SYTL2: variants seen among roughly 807,000 people sequenced by gnomAD.
SYTL2 encodes the protein synaptotagmin like 2.
In SYTL2, 165 loss-of-function variants were observed where a neutral mutation model predicts 198.7. The ratio of observed to expected loss-of-function variants is 0.83; its 90% CI spans 0.73 to 0.94. SYTL2 has a LOEUF of 0.94. Among genes scored for constraint, SYTL2 ranks in the 40% least tolerant of loss-of-function variants. The probability of loss-of-function intolerance (pLI) is 0.00; values close to 1 mark genes in which losing one functional copy is unlikely to be tolerated. For missense variants in SYTL2, 2,835 were observed against 2,582.8 expected (o/e 1.10, Z -2.12); for synonymous variants, 966 against 917.7 (o/e 1.05, Z -0.95).
chr11:85,707,546 TG>T lies in SYTL2; in HGVS notation c.5916-16del. On this transcript the variant is annotated splice_polypyrimidine_tract_variant and intron_variant, in intron 14 of 19. Coordinates refer to ENST00000359152, the MANE Select transcript of SYTL2 (RefSeq NM_206927.4). ...CCTTTACATATCTGAAAAGGAGAAT[TG>T]AACAGACAAAGTCAAAGAAAATAAA... 6.8e-7 allele frequency: 1 copy of T among 1,475,118 alleles called. No homozygotes were observed. The highest frequency in any genetic ancestry group is 9.3e-7 in the Non-Finnish European group (1 of 1,077,650). 91.4% of individuals were successfully genotyped at this position (1,475,118 alleles called of 1,614,324 possible).
the SYTL2 span, among the ~76,000 whole-genome samples, chr11:85,837,844 T>C: frequency 6.6e-6 from 1 of 152,206 alleles, no homozygotes; most frequent in Non-Finnish European, 1.5e-5. Context: ...TTAACCCTTC[T>C]GTAACTGGTC....
rs2089033128 is a variant in SYTL2, at chr11:85,725,582, G to A, written c.3776C>T (p.Thr1259Ile). Residue 1259 changes from threonine to isoleucine, a missense_variant, in exon 8 of 20, where the codon ACT (threonine) becomes ATT (isoleucine). Physicochemically the swap from Thr to Ile is moderately conservative, Grantham distance 89. Around this residue, in one of 3 missense-constraint regions of SYTL2, gnomAD observed 2,645 missense variants for 2,381.7 expected, o/e 1.11. Coordinates refer to ENST00000359152, the MANE Select transcript of SYTL2 (RefSeq NM_206927.4). ...FGKGIEQSHN[T>I]SADKREILAP... is the part of the protein sequence containing the mutation. ...TAGTATTTCTCTCTTATCAGCTGAA[G>A]TATTGTGACTCTGTTCTATCCCTTT... The A allele has an allele frequency of 6.2e-7, 1 of 1,614,090 alleles. No individual in the cohort carries two copies. The highest frequency in any genetic ancestry group is 8.5e-7 in the Non-Finnish European group (1 of 1,179,984).
chr11:85,777,191 G>A (rs898779767), intron 1 of SYTL2, among the ~76,000 whole-genome samples: 4 of 152,234 alleles, frequency 2.6e-5, no homozygotes, highest in African/African-American at 9.6e-5. Context: ...TATGCTCTGA[G>A]TATTTTTCTT....
At chr11:85,720,006 G>T (rs1373521748) in intron 9 of SYTL2, among the ~76,000 whole-genome samples, 2 of 152,094 alleles carry the variant, frequency 1.3e-5, no homozygotes, top group African/African-American at 2.4e-5. Context: ...CTTGAAAATA[G>T]CAAGAACAAA....
At chr11:85,771,205 G>A (rs7130377) in intron 1 of SYTL2, among the ~76,000 whole-genome samples, 1,933 of 152,250 alleles carry the variant, frequency 0.013, 36 homozygotes, top group African/African-American at 0.044. Context: ...AGCATCTCTC[G>A]AGACTTCCTG....
chr11:85,721,377 A>G (rs290195), intron 8 of SYTL2, among the ~76,000 whole-genome samples: 86,864 of 151,858 alleles, frequency 0.57, 25,537 homozygotes, highest in Middle Eastern at 0.64. Flanking sequence ...GATGTTTAAC[A>G]TCTGTGTATA....
intron 3 of SYTL2, among the ~76,000 whole-genome samples, chr11:85,746,475 C>T (rs2091161443): frequency 6.6e-6 from 1 of 152,206 alleles, no homozygotes; most frequent in Non-Finnish European, 1.5e-5. Context: ...GAGTTCTTTG[C>T]ATGCATTATT....
chr11:85,836,726 A>G, the SYTL2 span, among the ~76,000 whole-genome samples: 2 of 152,154 alleles, frequency 1.3e-5, no homozygotes, highest in African/African-American at 4.8e-5. Context: ...ATAAATATGA[A>G]ATATATTACA....
In SYTL2 at chr11:85,748,283, G is replaced by A. The variant is rs534450850; in HGVS notation, c.242C>T (p.Pro81Leu). 2 of 1,612,878 alleles carry A rather than the reference G, an allele frequency of 1.2e-6. No individual in the cohort carries two copies. The highest frequency in any genetic ancestry group is 8.5e-7 in the Non-Finnish European group (1 of 1,179,220). The change falls in exon 3 of 20, where the codon CCC becomes CTC. Residue 81 changes from proline (P) to leucine (L), a missense_variant. Transcript: ENST00000359152. ...CCAAGTCAACTCACCTGCTATCTGG[G>A]GCCTCTTCTTTCTCATAGATGCTCT... ...IIRASMRKKR[P>L]QIAAEQSKDR...
the SYTL2 span, among the ~76,000 whole-genome samples, chr11:85,823,060 C>A: frequency 6.6e-6 from 1 of 152,250 alleles, no homozygotes; most frequent in South Asian, 2.1e-4. Context: ...CACAATCCAG[C>A]CTAGTCCCAG....
intron 11 of SYTL2, 35 bp downstream of exon 11, chr11:85,717,448 G>A: frequency 6.4e-7 from 1 of 1,573,772 alleles, no homozygotes; most frequent in Non-Finnish European, 8.7e-7. Context: ...AAAGTGGAAT[G>A]TTTAGTCATT....
chr11:85,789,324 A>ATG lies in SYTL2; in HGVS notation c.-390+21628_-390+21629dup, dbSNP rs1173699592. On this transcript the variant is annotated intron_variant, in intron 1 of 19. Coordinates refer to ENST00000359152, the MANE Select transcript of SYTL2 (RefSeq NM_206927.4). ...ATTTATTTATATGATGTGTGTGTGT[A>ATG]TGTGTGTGTGTGTGTGTATATATAT... 1.8e-3 allele frequency among the ~76,000 whole-genome samples: 137 copies of ATG among 77,238 alleles called. 2 individuals carry two copies. The highest frequency in any genetic ancestry group is 4.8e-3 in the African/African-American group (81 of 16,744). 50.7% of individuals were successfully genotyped at this position (77,238 alleles called of 152,430 possible). A position where few individuals can be genotyped will look rare whatever the true frequency, so the allele number is the denominator to read the frequency against.
chr11:85,798,085 C>T (rs2092830986), intron 1 of SYTL2, among the ~76,000 whole-genome samples: 1 of 151,710 alleles, frequency 6.6e-6, no homozygotes, highest in African/African-American at 2.4e-5. Flanking sequence ...TTTCAAACTC[C>T]TGACCTCAAG....
chr11:85,737,521 GAAA>G (rs1448794652), intron 5 of SYTL2, 51 bp downstream of exon 5: 1 of 1,422,630 alleles, frequency 7.0e-7, no homozygotes, highest in Non-Finnish European at 9.9e-7. Context: ...ACACAATGAG[GAAA>G]AATGGCATTC....
chr11:85,776,660 T>C (rs915820940), intron 1 of SYTL2, among the ~76,000 whole-genome samples: 3 of 152,198 alleles, frequency 2.0e-5, no homozygotes, highest in African/African-American at 7.2e-5. Context: ...TGATGGACAT[T>C]TGGGCTGGTT....
At chr11:85,833,103 G>A in the SYTL2 span, among the ~76,000 whole-genome samples, 6 of 46,706 alleles carry the variant, frequency 1.3e-4, 2 homozygotes, top group East Asian at 4.9e-4. Context: ...AAGAAAGAAG[G>A]AAGGAAGGAA....
intron 1 of SYTL2, among the ~76,000 whole-genome samples, chr11:85,777,010 C>G (rs1324248107): frequency 1.3e-5 from 2 of 152,154 alleles, no homozygotes; most frequent in Non-Finnish European, 1.5e-5. Flanking sequence ...AAGATTCAGA[C>G]AAGTCACATG....
Position 85,727,151 on chromosome 11 carries a change from T to C in SYTL2, c.2207A>G (p.Lys736Arg), listed in dbSNP as rs1197169053. ...KDNMNAERKS[K>R]VGNTYILKAS... Reference sequence around the variant, plus strand: ...TTTCAGGATATAGGTATTTCCTACTTTGCTCTTTCTCTCTGCATTCATGTT... The same window carrying C: ...TTTCAGGATATAGGTATTTCCTACTCTGCTCTTTCTCTCTGCATTCATGTT... The change falls in exon 8 of 20, where the codon AAA becomes AGA. Residue 736 changes from lysine to arginine, a missense_variant. Lys to Arg is a conservative substitution (Grantham distance 26). Transcript: ENST00000359152. The C allele has an allele frequency of 6.5e-7, 1 of 1,536,284 alleles. No homozygotes were observed. Among genetic ancestry groups the C allele is most frequent in the Admixed American group, 2.0e-5 (1 of 50,970 alleles).
chr11:85,805,303 C>CAACA (rs368193467), intron 1 of SYTL2, among the ~76,000 whole-genome samples: 118 of 140,524 alleles, frequency 8.4e-4, no homozygotes, highest in African/African-American at 3.0e-3. Context: ...CCAGCCTGAG[C>CAACA]AACACAGTGA....
Sources: allele counts gnomAD v4.1 joint callset (sites outside exome capture counted in the v4.1 genomes callset), GRCh38; gene constraint gnomAD v4.1.1; regional missense constraint gnomAD v4.1.1; transcripts MANE v1.5; gene names NCBI Gene and HGNC (gene_info 2026-07-23, HGNC 2026-07-21).